EPB41: variants seen among roughly 807,000 people sequenced by gnomAD.
EPB41 encodes erythrocyte membrane protein band 4.1, also known as protein 4.1.
A neutral mutation model predicts 108.0 loss-of-function variants in EPB41; 65 were observed. That is an observed-to-expected ratio of 0.60 (90% CI 0.49 to 0.74). The LOEUF is 0.74. EPB41 is among the 30% of genes least tolerant of loss of function. EPB41 has a pLI of 0.00. For missense variants in EPB41, 875 were observed against 1,037.0 expected (o/e 0.84, Z 2.15); for synonymous variants, 336 against 358.9 (o/e 0.94, Z 0.72).
intron 1 of EPB41, among the ~76,000 whole-genome samples, chr1:28,940,425 G>T (rs1487426898): frequency 5.9e-5 from 9 of 152,178 alleles, no homozygotes; most frequent in Admixed American, 5.9e-4. Context: ...GCCGAGGTGG[G>T]CGGATCACCT....
chr1:29,080,447 C>G (rs1278276482), intron 16 of EPB41, among the ~76,000 whole-genome samples: 1 of 145,356 alleles, frequency 6.9e-6, no homozygotes, highest in Non-Finnish European at 1.5e-5. Context: ...CTCACTCTGT[C>G]TCCCAGGCTG....
intron 1 of EPB41, chr1:28,902,412 G>T: frequency 1.0e-6 from 1 of 982,396 alleles, no homozygotes. Context: ...AGGCCTAGAG[G>T]ATTGAGCTTT....
intron 11 of EPB41, among the ~76,000 whole-genome samples, chr1:29,049,661 T>G (rs1050112095): frequency 6.6e-6 from 1 of 152,226 alleles, no homozygotes; most frequent in African/African-American, 2.4e-5. Flanking sequence ...GTAGAAGTTG[T>G]TTGCCTTTAC....
At chr1:29,106,727 C>G (rs1304291747) in intron 17 of EPB41, among the ~76,000 whole-genome samples, 1 of 150,846 alleles carries the variant, frequency 6.6e-6, no homozygotes, top group East Asian at 2.0e-4. Context: ...GCGTTTGCCA[C>G]CACACCTGGC....
chr1:29,111,469 A>G (rs1293218290), intron 18 of EPB41, among the ~76,000 whole-genome samples: 1 of 151,744 alleles, frequency 6.6e-6, no homozygotes, highest in Non-Finnish European at 1.5e-5. Flanking sequence ...ATCCTAGCTG[A>G]CAAAAAACCC....
chr1:29,057,101 G>T (rs1458699812), intron 12 of EPB41, among the ~76,000 whole-genome samples: 1 of 152,056 alleles, frequency 6.6e-6, no homozygotes, highest in African/African-American at 2.4e-5. Context: ...AACCAGCCAG[G>T]CGCAGTGGCT....
chr1:28,921,961 T>TATATATATATATATATATATATATATAG (rs770764638), intron 1 of EPB41, among the ~76,000 whole-genome samples: 1 of 109,922 alleles, frequency 9.1e-6, no homozygotes, highest in Non-Finnish European at 1.7e-5. Flanking sequence ...TATATATATA[T>TATATATATATATATATATATATATATAG]ACACTTTTTT....
rs912535259 is a variant in EPB41, at chr1:29,120,012, ATTT to A, written c.*3205_*3207del. Reference sequence around the variant, plus strand: ...TGTTTGGTCTTGCTTCTTGTATTGCATTTTTTTCAATAAACAACAACAAAAAGA... The same window carrying A: ...TGTTTGGTCTTGCTTCTTGTATTGCATTTTCAATAAACAACAACAAAAAGA... On this transcript the variant is annotated 3_prime_UTR_variant, in exon 21 of 21. Coordinates refer to ENST00000343067, the MANE Select transcript of EPB41 (RefSeq NM_001376013.1). The A allele has an allele frequency of 6.6e-6, 1 of 152,384 alleles. No individual in the cohort carries two copies. Among genetic ancestry groups the A allele is most frequent in the South Asian group, 2.1e-4 (1 of 4,814 alleles). The allele number at this position is 152,384 out of a possible 1,614,324, so 9.4% of individuals were successfully genotyped here.
chr1:28,912,945 G>A (rs1269903555), upstream of EPB41, among the ~76,000 whole-genome samples: 1 of 151,564 alleles, frequency 6.6e-6, no homozygotes. Context: ...TGTGAGGTGG[G>A]AACTATTATT....
intron 7 of EPB41, among the ~76,000 whole-genome samples, chr1:29,026,786 G>A (rs1399463250): frequency 3.3e-5 from 5 of 151,914 alleles, no homozygotes. Context: ...CAGTCTGGGT[G>A]ACAGAGCAAG....
intron 15 of EPB41, among the ~76,000 whole-genome samples, chr1:29,064,082 T>TA (rs201347201): frequency 1.1e-3 from 162 of 150,718 alleles, no homozygotes; most frequent in African/African-American, 3.0e-3. Flanking sequence ...CCACAAAAAT[T>TA]AAAAAAAAAA....
intron 4 of EPB41, among the ~76,000 whole-genome samples, chr1:29,007,371 C>T (rs1468374451): frequency 6.6e-6 from 1 of 152,184 alleles, no homozygotes; most frequent in East Asian, 1.9e-4. Context: ...GTATACATCT[C>T]ACCGTAAACA....
chr1:29,000,944 T>C (rs1056536041), intron 4 of EPB41, among the ~76,000 whole-genome samples: 1 of 152,074 alleles, frequency 6.6e-6, no homozygotes, highest in African/African-American at 2.4e-5. Context: ...AGGTAAATCT[T>C]GTACAAAAAT....
chr1:28,922,626 ATTTT>A, intron 1 of EPB41, among the ~76,000 whole-genome samples: 1 of 127,274 alleles, frequency 7.9e-6, no homozygotes, highest in African/African-American at 3.1e-5. Flanking sequence ...TAGAGACAGG[ATTTT>A]TTTTTTTTTT....
intron 1 of EPB41, among the ~76,000 whole-genome samples, chr1:28,979,427 C>T (rs1015167863): frequency 5.9e-5 from 9 of 151,412 alleles, no homozygotes; most frequent in South Asian, 2.1e-4. Context: ...CAATTGTGTA[C>T]GACTACTGCC....
In EPB41 at chr1:29,061,572, G is replaced by GTTTT. The variant is rs34413393; in HGVS notation, c.2007+1111_2007+1114dup. On this transcript the variant is annotated intron_variant, in intron 15 of 20. Transcript: ENST00000343067. ...GCGTGAGCCACTGCGCCTGGCCTTT[G>GTTTT]TTTTTTTTTTTTTTTTTTTTTTTTT... Among the ~76,000 whole-genome samples the GTTTT allele has an allele frequency of 9.4e-4, 60 of 64,050 alleles. 7 individuals carry two copies. Among genetic ancestry groups the GTTTT allele is most frequent in the African/African-American group, 3.1e-3 (51 of 16,304 alleles). 42.0% of individuals were successfully genotyped at this position (64,050 alleles called of 152,430 possible).
At chr1:28,966,479 A>C (rs1267905734) in intron 1 of EPB41, among the ~76,000 whole-genome samples, 1 of 152,224 alleles carries the variant, frequency 6.6e-6, no homozygotes, top group Non-Finnish European at 1.5e-5. Context: ...GAAACAATGA[A>C]CAAAACAAGC....
chr1:28,904,915 C>T (rs931416497), intron 1 of EPB41, among the ~76,000 whole-genome samples: 12 of 151,624 alleles, frequency 7.9e-5, no homozygotes, highest in African/African-American at 2.7e-4. Flanking sequence ...CCTGTAGTCC[C>T]AGCTACTTGG....
chr1:29,082,611 A>G (rs900760509), intron 16 of EPB41, among the ~76,000 whole-genome samples: 11 of 152,074 alleles, frequency 7.2e-5, no homozygotes, highest in African/African-American at 4.8e-5. Flanking sequence ...CCTACCCTTC[A>G]TAGTGTAATG....
Sources: allele counts gnomAD v4.1 joint callset (sites outside exome capture counted in the v4.1 genomes callset), GRCh38; gene constraint gnomAD v4.1.1; transcripts MANE v1.5; gene names NCBI Gene and HGNC (gene_info 2026-07-23, HGNC 2026-07-21).